Variants in DMTF1 observed in about 807,000 individuals in gnomAD.
The protein encoded by DMTF1 is cyclin D binding myb like transcription factor 1, also known as cyclin-D-binding Myb-like transcription factor 1.
A neutral mutation model predicts 91.1 loss-of-function variants in DMTF1; 39 were observed. The ratio of observed to expected loss-of-function variants is 0.43; its 90% CI spans 0.33 to 0.56. The LOEUF is 0.56. Ranked by LOEUF, DMTF1 falls within the 20% of genes least tolerant of loss-of-function variation. DMTF1 has a pLI of 0.05. For missense variants in DMTF1, 750 were observed against 914.5 expected (o/e 0.82, Z 2.32); for synonymous variants, 338 against 309.5 (o/e 1.09, Z -0.97).
At chr7:87,178,291 C>G (rs1376736931) in intron 7 of DMTF1, among the ~76,000 whole-genome samples, 1 of 151,970 alleles carries the variant, frequency 6.6e-6, no homozygotes, top group Non-Finnish European at 1.5e-5. Context: ...GATTTTGTAT[C>G]TAGCAACCTT....
chr7:87,187,148 T>G (rs967572026), intron 12 of DMTF1: 12 of 152,338 alleles, frequency 7.9e-5, no homozygotes, highest in Admixed American at 7.2e-4. Context: ...CTAAATTTAT[T>G]CCCCTTATTA....
In DMTF1 at chr7:87,193,773, A is replaced by G; in HGVS notation, c.1699A>G (p.Thr567Ala). The G allele has an allele frequency of 1.2e-6, 2 of 1,612,666 alleles. No homozygotes were observed. The highest frequency in any genetic ancestry group is 2.2e-5 in the East Asian group (1 of 44,848). The change falls in exon 16 of 18, where the codon ACA (threonine) becomes GCA (alanine). Residue 567 changes from threonine to alanine, a missense_variant. By Grantham distance (58) the Thr-to-Ala change is moderately conservative (BLOSUM62 0). Around this residue, in one of 3 missense-constraint regions of DMTF1, gnomAD observed 410 missense variants for 420.2 expected, o/e 0.98. Transcript: ENST00000331242. The part of the protein sequence containing the change: ...TSDNVTVQCH[T>A]PRVIIQTVAT... ...TGATAATGTTACAGTGCAGTGTCAC[A>G]CACCAAGAGTCATCATTCAGACTGT...
intron 4 of DMTF1, among the ~76,000 whole-genome samples, chr7:87,167,236 G>A (rs1794038508): frequency 6.6e-6 from 1 of 152,170 alleles, no homozygotes; most frequent in South Asian, 2.1e-4. Flanking sequence ...TTCTTACCGA[G>A]AAAGTTCTTA....
At chr7:87,186,860 T>C (rs1328703839) in intron 12 of DMTF1, 1 of 152,182 alleles carries the variant, frequency 6.6e-6, no homozygotes, top group Non-Finnish European at 1.5e-5. Flanking sequence ...CCTTAAGTGA[T>C]TGATGACTAT....
At position 87,174,745 on chromosome 7, in the gene DMTF1, G is replaced by A. The variant is rs1795871603; in HGVS notation, c.519+76G>A. 6 of 973,752 alleles carry A rather than the reference G, an allele frequency of 6.2e-6. No homozygotes were observed. In the South Asian group the frequency reaches 7.9e-5, roughly 13 times the overall value. 60.3% of individuals were successfully genotyped at this position (973,752 alleles called of 1,614,324 possible). Reference sequence around the variant, plus strand: ...CAAAAATATCAACACAGAATGTTGTGTGCACTTATTAGGAGCTTTTTACTT... The same window carrying A: ...CAAAAATATCAACACAGAATGTTGTATGCACTTATTAGGAGCTTTTTACTT... On this transcript the variant is annotated intron_variant, in intron 7 of 17. Coordinates refer to ENST00000331242, the MANE Select transcript of DMTF1 (RefSeq NM_001142327.2).
chr7:87,155,736 A>ACCCCCGC (rs1354926978), intron 1 of DMTF1, among the ~76,000 whole-genome samples: 2 of 120,470 alleles, frequency 1.7e-5, no homozygotes, highest in African/African-American at 6.3e-5. Context: ...TGTCTCCCCC[A>ACCCCCGC]CCCCACCCCC....
intron 10 of DMTF1, 52 bp from the exon 11 acceptor site, chr7:87,184,345 A>G: frequency 6.5e-7 from 1 of 1,531,764 alleles, no homozygotes; most frequent in Middle Eastern, 1.7e-4. Flanking sequence ...GGGCTGAATC[A>G]GATTTGTAAA....
At chr7:87,180,178 T>G (rs985300122) in intron 8 of DMTF1, among the ~76,000 whole-genome samples, 6 of 152,202 alleles carry the variant, frequency 3.9e-5, no homozygotes, top group Non-Finnish European at 8.8e-5. Context: ...ATTCTTCAAA[T>G]GCAATGATTA....
rs116265978 is a variant in DMTF1, at chr7:87,168,578, C to T, written c.232+1973C>T. 4.0e-3 allele frequency among the ~76,000 whole-genome samples: 608 copies of T among 152,244 alleles called. 6 individuals are homozygous for T. Among genetic ancestry groups the T allele is most frequent in the African/African-American group, 0.014 (579 of 41,546 alleles). On this transcript the variant is annotated intron_variant, in intron 4 of 17. Coordinates refer to ENST00000331242, the MANE Select transcript of DMTF1 (RefSeq NM_001142327.2). ...ACCCTGTTTTACTTTTATGGTTAAT[C>T]ATTATAATCACTGTCTTGCATTCAC...
chr7:87,190,814 C>G, intron 13 of DMTF1, 131 bp from the exon 14 acceptor site: 2 of 643,910 alleles, frequency 3.1e-6, no homozygotes. Flanking sequence ...ATGTAAATGA[C>G]TTCAGGTCTC....
chr7:87,181,160 TATTA>T (rs1315670269), intron 8 of DMTF1, 145 bp from the exon 9 acceptor site: 1 of 491,902 alleles, frequency 2.0e-6, no homozygotes, highest in Non-Finnish European at 3.8e-6. Context: ...TCTCAACTTT[TATTA>T]ATCCACTTTA....
rs755649139 is a variant in DMTF1 at position 87,159,951 on chromosome 7, GTC to G, written c.-131-3542_-131-3541del. On this transcript the variant is annotated intron_variant, in intron 1 of 17. Transcript: ENST00000331242. The stretch of plus-strand genomic sequence containing the variant: ...CCAAAATGTTACGTGTTACATGACT[GTC>G]TTTATTTTGCTCCAAAAAGGACCAA... Among the ~76,000 whole-genome samples the G allele has an allele frequency of 8.5e-5, 13 of 152,282 alleles. No individual in the cohort carries two copies. In the South Asian group the frequency reaches 1.7e-3, roughly 19 times the overall value.
chr7:87,166,223 G>A (rs1346142150), intron 3 of DMTF1, among the ~76,000 whole-genome samples: 1 of 152,124 alleles, frequency 6.6e-6, no homozygotes. Flanking sequence ...TGCTTCTACT[G>A]CCAAGAGAGA....
intron 6 of DMTF1, among the ~76,000 whole-genome samples, chr7:87,174,102 A>AG (rs1301645887): frequency 6.6e-6 from 1 of 152,212 alleles, no homozygotes; most frequent in Admixed American, 6.5e-5. Context: ...GCCACTCTGA[A>AG]GTACAGAAAG....
intron 3 of DMTF1, 42 bp from the exon 4 acceptor site, chr7:87,166,441 T>C (rs1461629300): frequency 3.2e-6 from 5 of 1,581,670 alleles, no homozygotes; most frequent in Non-Finnish European, 4.3e-6. Context: ...TTATTTTCCC[T>C]CTTTGGTTTG....
At chr7:87,187,425 G>A (rs1798703682) in intron 12 of DMTF1, 1 of 152,470 alleles carries the variant, frequency 6.6e-6, no homozygotes, top group South Asian at 2.1e-4. Context: ...TGTAGTCCCA[G>A]CTATTGGGGA....
In DMTF1 at chr7:87,194,703, T is replaced by C. The variant is rs1186820712; in HGVS notation, c.2048T>C (p.Ile683Thr). 3.7e-6 allele frequency: 6 copies of C among 1,608,914 alleles called. No homozygotes were observed. The African/African-American group carries it at 6.7e-5, about 18-fold the overall frequency. The change falls in exon 17 of 18, where the codon ATA becomes ACA. Residue 683 changes from isoleucine to threonine, a missense_variant. By Grantham distance (89) the Ile-to-Thr change is moderately conservative. Coordinates refer to ENST00000331242, the MANE Select transcript of DMTF1 (RefSeq NM_001142327.2). ...YVTEGLESPT[I>T]EEQVDQTIDD... ...ATTTAGGGTTTAGAGTCTCCCACTA[T>C]AGAAGAACAAGTTGATCAAACAATT...
rs1438430708 is a variant in DMTF1 at position 87,170,985 on chromosome 7, T to C, written c.233-10T>C. On this transcript the variant is annotated splice_polypyrimidine_tract_variant and intron_variant, in intron 4 of 17. Coordinates refer to ENST00000331242, the MANE Select transcript of DMTF1 (RefSeq NM_001142327.2). ...ATTATTCTGGAGATGAACGGTTCCTTTTCTTGAAGTTTCAGAAAATGATCA... is the reference window on the plus strand; with the variant it reads ...ATTATTCTGGAGATGAACGGTTCCTCTTCTTGAAGTTTCAGAAAATGATCA... 1.9e-6 allele frequency: 3 copies of C among 1,585,326 alleles called. No individual in the cohort carries two copies. The highest frequency in any genetic ancestry group is 2.6e-6 in the Non-Finnish European group (3 of 1,155,852).
rs763689648 is a variant in DMTF1 at position 87,181,355 on chromosome 7, T to A, written c.710+14T>A. 5.8e-6 allele frequency: 7 copies of A among 1,206,532 alleles called. No homozygotes were observed. The highest frequency in any genetic ancestry group is 8.3e-6 in the Non-Finnish European group (7 of 842,066). The allele number at this position is 1,206,532 out of a possible 1,614,324, so 74.7% of individuals were successfully genotyped here. On this transcript the variant is annotated intron_variant, in intron 9 of 17. Transcript: ENST00000331242. The stretch of plus-strand genomic sequence containing the variant: ...GAAGCTCAAGGAGTAAGTTTTAAAG[T>A]TTTTTTCATTAATTCTAATTTTTTA...
Sources: gnomAD v4.1 joint callset for allele counts (sites outside exome capture counted in the v4.1 genomes callset) on GRCh38, gnomAD v4.1.1 for gene constraint, gnomAD v4.1.1 regional missense constraint, MANE v1.5 for transcripts, NCBI Gene and HGNC (gene_info 2026-07-23, HGNC 2026-07-21) for gene names.